NBPF8: variants seen among roughly 807,000 people sequenced by gnomAD.
NBPF8 encodes the protein NBPF family member NBPF8.
At chr1:120,452,607 C>T (rs1347468178) in intron 13 of NBPF8, among the ~76,000 whole-genome samples, 39,343 of 146,898 alleles carry the variant, frequency 0.27, 3,421 homozygotes, top group Non-Finnish European at 0.37. Flanking sequence ...AAGGAGGCTG[C>T]GATGGGAGCA....
upstream of NBPF8, among the ~76,000 whole-genome samples, chr1:120,434,466 T>G (rs1473439186): frequency 1.4e-5 from 2 of 146,396 alleles, no homozygotes; most frequent in Non-Finnish European, 3.0e-5. Context: ...CATTAACTCG[T>G]CATTTACATT....
intron 2 of NBPF8, among the ~76,000 whole-genome samples, chr1:120,426,757 A>T (rs1660738667): frequency 6.6e-6 from 1 of 151,936 alleles, no homozygotes; most frequent in South Asian, 2.1e-4. Context: ...ACCTCTGTCG[A>T]CCTGTGAAAC....
At chr1:120,460,938 GTGTCC>G (rs1661567612) in intron 18 of NBPF8, among the ~76,000 whole-genome samples, 2 of 151,836 alleles carry the variant, frequency 1.3e-5, no homozygotes, top group Non-Finnish European at 2.9e-5. Context: ...TGTTCACTGT[GTGTCC>G]TGAGAGCACA....
intron 11 of NBPF8, among the ~76,000 whole-genome samples, chr1:120,450,006 A>G (rs1430189776): frequency 6.6e-6 from 1 of 152,068 alleles, no homozygotes; most frequent in African/African-American, 2.4e-5. Flanking sequence ...AGGCGGGCAG[A>G]TCATCAGGTC....
At position 120,457,736 on chromosome 1, in the gene NBPF8, A is replaced by ATATAT. The variant is rs1480856527; in HGVS notation, n.2621-1631_2621-1630insTATAT. Among the ~76,000 whole-genome samples, 4 of 53,774 alleles carry ATATAT rather than the reference A, an allele frequency of 7.4e-5. No individual in the cohort carries two copies. In the East Asian group the frequency reaches 1.5e-3, roughly 20 times the overall value. The allele number at this position is 53,774 out of a possible 152,430, so 35.3% of individuals were successfully genotyped here. On this transcript the variant is annotated intron_variant and non_coding_transcript_variant, in intron 16 of 24. Coordinates refer to ENST00000583271, the Ensembl canonical transcript of NBPF8. ...CTAAGACTTAAAGTATTAAAAAAAA[A>ATATAT]ATATATATATATATATACATACACA...
exon 25 of NBPF8, chr1:120,467,700 G>GTTAA (rs1489990015): frequency 1.3e-5 from 2 of 151,348 alleles, no homozygotes; most frequent in East Asian, 2.0e-4. Flanking sequence ...TTTGTCCAAA[G>GTTAA]TTAATTTTAA....
rs1480484929 is a variant in NBPF8 at position 120,436,585 on chromosome 1, C to T, written n.233C>T. 9.5e-4 allele frequency: 1,522 copies of T among 1,599,190 alleles called. 9 individuals carry two copies. The African/African-American group carries it at 0.011, about 12-fold the overall frequency. ...CAGAGATGAACATTCTAGAAATCAACGAGAAATTGCGCCCCCAGTTGGCAG... is the reference window on the plus strand; with the variant it reads ...CAGAGATGAACATTCTAGAAATCAATGAGAAATTGCGCCCCCAGTTGGCAG... On this transcript the variant is annotated non_coding_transcript_exon_variant, in exon 1 of 25. Coordinates refer to ENST00000583271, the Ensembl canonical transcript of NBPF8.
rs113400516 is a variant in NBPF8, at chr1:120,431,279, G to A, written n.510+3432G>A. 9.6e-3 allele frequency among the ~76,000 whole-genome samples: 1,115 copies of A among 115,772 alleles called. 8 individuals are homozygous for A. The highest frequency in any genetic ancestry group is 0.03 in the African/African-American group (666 of 22,110). The allele number at this position is 115,772 out of a possible 152,430, so 76.0% of individuals were successfully genotyped here. A position where few individuals can be genotyped will look rare whatever the true frequency, so the allele number is the denominator to read the frequency against. On this transcript the variant is annotated intron_variant and non_coding_transcript_variant, in intron 3 of 28. Coordinates refer to the NBPF8 transcript ENST00000652355. ...TGTGTGTGTGTGTGTGTGTGTGTGT[G>A]TGTATATTCACCGTTTTGAAGATTA...
chr1:120,423,192 C>T (rs1660619459), intron 1 of NBPF8, among the ~76,000 whole-genome samples: 1 of 133,532 alleles, frequency 7.5e-6, no homozygotes, highest in African/African-American at 3.4e-5. Context: ...TCTAAGAAGC[C>T]ATCATTGAAC....
At chr1:120,460,547 G>A in intron 17 of NBPF8, 26 bp from the exon 16 acceptor site, 1 of 1,329,750 alleles carries the variant, frequency 7.5e-7, no homozygotes, top group African/African-American at 1.5e-5. Flanking sequence ...CTTAATGTAA[G>A]AGGGCCCATA....
chr1:120,452,538 C>T lies in NBPF8; in HGVS notation n.2289+207C>T, dbSNP rs1570939414. Among the ~76,000 whole-genome samples, 5 of 152,140 alleles carry T rather than the reference C, an allele frequency of 3.3e-5. 1 individual carries two copies. The highest frequency in any genetic ancestry group is 1.9e-4 in the East Asian group (1 of 5,178). On this transcript the variant is annotated intron_variant and non_coding_transcript_variant, in intron 13 of 24. Transcript: ENST00000583271. ...ACAGTATTGCAAGTGTCCCTCCTCC[C>T]TTGATGGAAGGTGGTCTCTGGAGCA...
chr1:120,455,736 A>AT (rs1371170780), intron 16 of NBPF8, among the ~76,000 whole-genome samples: 3 of 144,218 alleles, frequency 2.1e-5, no homozygotes, highest in Non-Finnish European at 3.0e-5. Flanking sequence ...GGATTCATTG[A>AT]TTTTTTGAAG....
At chr1:120,433,033 G>A (rs1259004357), upstream of NBPF8, 2 of 152,090 alleles carry the variant, frequency 1.3e-5, no homozygotes, top group East Asian at 3.8e-4. Flanking sequence ...CAATGAAGCA[G>A]GTACAAGGCC....
At chr1:120,450,078 G>A (rs1338781492) in intron 11 of NBPF8, among the ~76,000 whole-genome samples, 26 of 152,094 alleles carry the variant, frequency 1.7e-4, no homozygotes, top group African/African-American at 5.5e-4. Flanking sequence ...AATACAAAAA[G>A]TAGATGGGCG....
chr1:120,421,547 C>T (rs1453059712), intron 1 of NBPF8, among the ~76,000 whole-genome samples: 2 of 150,446 alleles, frequency 1.3e-5, no homozygotes, highest in Non-Finnish European at 3.0e-5. Context: ...TCCTTCCCTC[C>T]CTCCATTCTT....
upstream of NBPF8, chr1:120,433,242 T>A (rs1193312550): frequency 6.6e-6 from 1 of 152,152 alleles, no homozygotes; most frequent in Non-Finnish European, 1.5e-5. Context: ...AGCAAGTCGG[T>A]ATTGAAGAAG....
chr1:120,465,296 G>A lies in NBPF8; in HGVS notation n.3493G>A, dbSNP rs1158693580. 5.1e-5 allele frequency: 35 copies of A among 692,018 alleles called. 1 individual carries two copies. The African/African-American group carries it at 7.7e-4, about 15-fold the overall frequency. The allele number at this position is 692,018 out of a possible 1,614,324, so 42.9% of individuals were successfully genotyped here. On this transcript the variant is annotated non_coding_transcript_exon_variant, in exon 24 of 25. Transcript: ENST00000583271. ...AAGAAGGGGAAGGGGAAGATAAGAA[G>A]GGGAAGAAGATCAAAGAAGAAAAGA...
chr1:120,469,421 ACT>A (rs1661852034), downstream of NBPF8, among the ~76,000 whole-genome samples: 1 of 135,620 alleles, frequency 7.4e-6, no homozygotes, highest in East Asian at 2.2e-4. Flanking sequence ...TATCTGAAAG[ACT>A]CTCTGGAACA....
At chr1:120,452,619 G>T (rs1398060507) in intron 13 of NBPF8, among the ~76,000 whole-genome samples, 1 of 152,258 alleles carries the variant, frequency 6.6e-6, no homozygotes, top group African/African-American at 2.4e-5. Context: ...ATGGGAGCAG[G>T]CTTGTTAGAG....
Sources: gnomAD v4.1 joint callset for allele counts (sites outside exome capture counted in the v4.1 genomes callset) on GRCh38, gnomAD v4.1.1 for gene constraint, MANE v1.5 for transcripts, NCBI Gene and HGNC (gene_info 2026-07-23, HGNC 2026-07-21) for gene names.